Variants in ATXN2 observed in about 807,000 individuals in gnomAD.
ATXN2 encodes ataxin-2.
In ATXN2, 37 loss-of-function variants were observed where a neutral mutation model predicts 138.6. The observed-to-expected ratio is 0.27, with a 90% CI of 0.21 to 0.35. The LOEUF (loss-of-function observed/expected upper bound fraction) is 0.35, where lower values mean the gene tolerates loss of function less well. ATXN2 is among the 10% of genes least tolerant of loss of function. The pLI, the probability that ATXN2 is intolerant of heterozygous loss-of-function variation, is 1.00. For missense variants in ATXN2, 1,216 were observed against 1,480.3 expected (o/e 0.82, Z 2.93); for synonymous variants, 549 against 543.7 (o/e 1.01, Z -0.13).
At chr12:111,508,864 T>G (rs1400620398) in intron 14 of ATXN2, among the ~76,000 whole-genome samples, 1 of 152,236 alleles carries the variant, frequency 6.6e-6, no homozygotes, top group Non-Finnish European at 1.5e-5. Flanking sequence ...AGAATGAAGC[T>G]ATTGTTAACA....
At position 111,470,007 on chromosome 12, in the gene ATXN2, T is replaced by G. The variant is rs888636365; in HGVS notation, c.2842+101A>C. Reference sequence around the variant, plus strand: ...TTTCCTTCAGATTCTTGACCCTCAATGTCATAAAAGGTCAGGTTATTCTTA... The same window carrying G: ...TTTCCTTCAGATTCTTGACCCTCAAGGTCATAAAAGGTCAGGTTATTCTTA... On this transcript the variant is annotated intron_variant, in intron 20 of 24. Coordinates refer to ENST00000673436, the MANE Select transcript of ATXN2 (RefSeq NM_001372574.1). The G allele has an allele frequency of 3.8e-6, 5 of 1,324,050 alleles. No homozygotes were observed. The South Asian group carries it at 7.1e-5, about 19-fold the overall frequency. The allele number at this position is 1,324,050 out of a possible 1,614,324, so 82.0% of individuals were successfully genotyped here. A position where few individuals can be genotyped will look rare whatever the true frequency, so the allele number is the denominator to read the frequency against.
intron 6 of ATXN2, among the ~76,000 whole-genome samples, chr12:111,524,358 T>C (rs879022702): frequency 4.6e-5 from 7 of 152,236 alleles, no homozygotes; most frequent in African/African-American, 1.7e-4. Flanking sequence ...AGATTCTTCA[T>C]TCTACTCAAA....
chr12:111,517,309 C>A (rs979290640), intron 9 of ATXN2, among the ~76,000 whole-genome samples: 1 of 152,094 alleles, frequency 6.6e-6, no homozygotes, highest in Non-Finnish European at 1.5e-5. Flanking sequence ...CAACTAAAAT[C>A]TTTCCTCAGT....
rs772627768 is a variant in ATXN2 at position 111,598,994 on chromosome 12, TGC to T, written c.39_40del (p.Gln14AlafsTer75). On this transcript the variant is annotated frameshift_variant, in exon 1 of 25. Coordinates refer to ENST00000673436, the MANE Select transcript of ATXN2 (RefSeq NM_001372574.1). LOFTEE classifies it high-confidence loss of function. The surrounding 1 kb of genome is among the most constrained non-coding windows in gnomAD (Gnocchi z 4.5). ...CTGCTGCTGTTGCTGCTGCTGCTGC[TGC>T]TGCTGCTGCTGCTGCTGCTGCTGGG... is the stretch of plus-strand genomic sequence containing the variant. 1.8e-3 allele frequency: 2,244 copies of T among 1,270,644 alleles called. 3 individuals carry two copies. The highest frequency in any genetic ancestry group is 4.2e-3 in the South Asian group (270 of 64,244). The allele number at this position is 1,270,644 out of a possible 1,614,324, so 78.7% of individuals were successfully genotyped here.
intron 14 of ATXN2, among the ~76,000 whole-genome samples, chr12:111,506,291 T>C (rs140584208): frequency 6.6e-6 from 1 of 152,310 alleles, no homozygotes; most frequent in East Asian, 1.9e-4. Flanking sequence ...TAAAATCAAC[T>C]GAGAAGACGG....
intron 6 of ATXN2, among the ~76,000 whole-genome samples, chr12:111,521,784 G>A (rs1880171810): frequency 6.6e-6 from 1 of 152,120 alleles, no homozygotes; most frequent in South Asian, 2.1e-4. Context: ...GGAGCCAGGG[G>A]CAAGCAAGTT....
rs71083183 is a variant in ATXN2 at position 111,592,782 on chromosome 12, CAAAAAAAAA to C, written c.251+5993_251+6001del. Among the ~76,000 whole-genome samples the C allele has an allele frequency of 2.7e-3, 71 of 26,036 alleles. 3 individuals carry two copies. Among genetic ancestry groups the C allele is most frequent in the African/African-American group, 7.5e-3 (70 of 9,372 alleles). The allele number at this position is 26,036 out of a possible 152,430, so 17.1% of individuals were successfully genotyped here. A position where few individuals can be genotyped will look rare whatever the true frequency, so the allele number is the denominator to read the frequency against. ...TGGGCGACAGAGCAAGACTCCGTCT[CAAAAAAAAA>C]AAAAAAAAAAAAAGATAATAGGTGT... On this transcript the variant is annotated intron_variant, in intron 1 of 24. Coordinates refer to ENST00000673436, the MANE Select transcript of ATXN2 (RefSeq NM_001372574.1).
rs1260766664 is a variant in ATXN2, at chr12:111,456,236, G to A, written c.3063C>T (p.Ala1021=). 1 of 1,614,128 alleles carries A rather than the reference G, an allele frequency of 6.2e-7. No homozygotes were observed. Among genetic ancestry groups the A allele is most frequent in the Non-Finnish European group, 8.5e-7 (1 of 1,180,050 alleles). ...SPVQHHQHQA[A]QALHLASPQQ... ...GTGGACTGGCCAGATGGAGAGCCTG[G>A]GCGGCCTGGTGCTGATGGTGCTGCA... Residue 1021 remains alanine (A), a synonymous_variant, in exon 23 of 25, where the codon GCC becomes GCT. Coordinates refer to ENST00000673436, the MANE Select transcript of ATXN2 (RefSeq NM_001372574.1).
intron 5 of ATXN2, among the ~76,000 whole-genome samples, chr12:111,550,062 CA>C (rs11360314): frequency 0.14 from 10,769 of 78,854 alleles, 1,200 homozygotes; most frequent in African/African-American, 0.36. Context: ...ACTCCGTCTC[CA>C]AAAAAAAAAA....
At chr12:111,580,941 C>A (rs1883962654) in intron 1 of ATXN2, among the ~76,000 whole-genome samples, 1 of 151,858 alleles carries the variant, frequency 6.6e-6, no homozygotes, top group Non-Finnish European at 1.5e-5. Context: ...GAGTTCGAGA[C>A]CAGCCTGGCC....
chr12:111,546,707 A>G (rs1010995317), intron 5 of ATXN2, among the ~76,000 whole-genome samples: 1 of 152,222 alleles, frequency 6.6e-6, no homozygotes, highest in Non-Finnish European at 1.5e-5. Flanking sequence ...TCAAGTAAAA[A>G]ACAAGCAGAG....
In ATXN2 at chr12:111,552,557, C is replaced by A. The variant is rs1321236731; in HGVS notation, c.421-127G>T. 2.1e-6 allele frequency: 2 copies of A among 955,046 alleles called. No individual in the cohort carries two copies. Among genetic ancestry groups the A allele is most frequent in the African/African-American group, 1.7e-5 (1 of 58,430 alleles). 59.2% of individuals were successfully genotyped at this position (955,046 alleles called of 1,614,324 possible). On this transcript the variant is annotated intron_variant, in intron 4 of 24. Coordinates refer to ENST00000673436, the MANE Select transcript of ATXN2 (RefSeq NM_001372574.1). This position sits in a 1 kb window ranked among gnomAD's most constrained non-coding sequence, Gnocchi z 4.1. ...AAAAATAATCTCAAGAGAATCATACCCTTTTTCCCAGGCATATGATCTATT... is the reference window on the plus strand; with the variant it reads ...AAAAATAATCTCAAGAGAATCATACACTTTTTCCCAGGCATATGATCTATT...
intron 14 of ATXN2, among the ~76,000 whole-genome samples, chr12:111,508,846 A>G (rs973082628): frequency 1.3e-5 from 2 of 152,208 alleles, no homozygotes; most frequent in East Asian, 1.9e-4. Flanking sequence ...AATGTTACCA[A>G]TAAGTCAAGA....
intron 1 of ATXN2, chr12:111,581,553 T>C: frequency 4.2e-6 from 4 of 959,986 alleles, no homozygotes; most frequent in Non-Finnish European, 6.8e-6. Context: ...GACCATGTCG[T>C]CTGGTCCCTG....
At chr12:111,485,124 G>T in intron 18 of ATXN2, 141 bp downstream of exon 18, 1 of 684,584 alleles carries the variant, frequency 1.5e-6, no homozygotes, top group Non-Finnish European at 2.5e-6. Flanking sequence ...GAATATCTAT[G>T]TAATGTTGTT....
chr12:111,592,884 A>T (rs1290509900), intron 1 of ATXN2, among the ~76,000 whole-genome samples: 1 of 151,664 alleles, frequency 6.6e-6, no homozygotes, highest in Non-Finnish European at 1.5e-5. Context: ...TAAAAAAAAA[A>T]ATAGGGTTTT....
intron 5 of ATXN2, among the ~76,000 whole-genome samples, chr12:111,534,181 C>A (rs1881007226): frequency 6.6e-6 from 1 of 151,574 alleles, no homozygotes; most frequent in Non-Finnish European, 1.5e-5. Context: ...AGGTGGACTG[C>A]CTGAGCTCAG....
At chr12:111,577,422 C>A (rs1412332385) in intron 1 of ATXN2, among the ~76,000 whole-genome samples, 1 of 151,848 alleles carries the variant, frequency 6.6e-6, no homozygotes, top group African/African-American at 2.4e-5. Context: ...CCCGCCACCA[C>A]ACCCGGTTAA....
At chr12:111,525,080 T>C (rs772959666) in intron 6 of ATXN2, 112 bp downstream of exon 6, 129 of 1,368,766 alleles carry the variant, frequency 9.4e-5, no homozygotes, top group Non-Finnish European at 1.2e-4. Context: ...CCTGCTGCTC[T>C]AAATACACTC....
Sources: allele counts gnomAD v4.1 joint callset (sites outside exome capture counted in the v4.1 genomes callset), GRCh38; gene constraint gnomAD v4.1.1; non-coding constraint Gnocchi (gnomAD v3.1); transcripts MANE v1.5; gene names NCBI Gene and HGNC (gene_info 2026-07-23, HGNC 2026-07-21).